PGM5: variants seen among roughly 807,000 people sequenced by gnomAD.
The protein encoded by PGM5 is phosphoglucomutase-like protein 5.
PGM5 carries 23 observed loss-of-function variants against 59.2 expected under a neutral mutation model. The ratio of observed to expected loss-of-function variants is 0.39; its 90% CI spans 0.28 to 0.55. The LOEUF is 0.55. Ranked by LOEUF, PGM5 falls within the 20% of genes least tolerant of loss-of-function variation. PGM5 has a pLI of 0.66. For synonymous variants in PGM5, 214 were observed against 286.0 expected, an observed-to-expected ratio of 0.75 and a Z score of 2.54; for missense variants, 574 against 748.3, an observed-to-expected ratio of 0.77 and a Z score of 2.72.
At chr9:68,406,758 G>C (rs562109825) in intron 6 of PGM5, among the ~76,000 whole-genome samples, 123 of 133,526 alleles carry the variant, frequency 9.2e-4, no homozygotes, top group African/African-American at 3.3e-3. Context: ...CCAGTCCACA[G>C]TATGCGTTCA....
At chr9:68,529,165 G>A (rs185997706) in intron 10 of PGM5, among the ~76,000 whole-genome samples, 2 of 2,952 alleles carry the variant, frequency 6.8e-4, no homozygotes, top group African/African-American at 1.1e-3. Flanking sequence ...TTTTATTCTC[G>A]TGTGTGTGTG....
chr9:68,456,817 G>A lies in PGM5; in HGVS notation c.1044-8276G>A, dbSNP rs190262000. ...TTTTTTGTATTTTTAGTAGAAATGG[G>A]GTTTTGCCATCTTGGCCAGGCTGGT... On this transcript the variant is annotated intron_variant, in intron 6 of 10. Coordinates refer to ENST00000396396, the MANE Select transcript of PGM5 (RefSeq NM_021965.4). 2.5e-3 allele frequency among the ~76,000 whole-genome samples: 386 copies of A among 151,850 alleles called. 2 individuals carry two copies. Among genetic ancestry groups the A allele is most frequent in the African/African-American group, 8.9e-3 (367 of 41,370 alleles).
intron 10 of PGM5, among the ~76,000 whole-genome samples, chr9:68,528,990 A>T (rs1311586202): frequency 1.3e-5 from 2 of 151,950 alleles, no homozygotes; most frequent in Non-Finnish European, 2.9e-5. Flanking sequence ...AAGCATGCCC[A>T]CCTCCTCCAG....
chr9:68,385,512 C>G lies in PGM5; in HGVS notation c.571+968C>G, dbSNP rs532806357. Reference sequence around the variant, plus strand: ...AAATCTTTCTTGAGAAGTTTTGAGTCAGTTGTTTGCTTAGGTAATGAGCAG... The same window carrying G: ...AAATCTTTCTTGAGAAGTTTTGAGTGAGTTGTTTGCTTAGGTAATGAGCAG... On this transcript the variant is annotated intron_variant, in intron 3 of 10. Coordinates refer to ENST00000396396, the MANE Select transcript of PGM5 (RefSeq NM_021965.4). Among the ~76,000 whole-genome samples, 4 of 152,164 alleles carry G rather than the reference C, an allele frequency of 2.6e-5. No individual in the cohort carries two copies. In the East Asian group the frequency reaches 5.8e-4, roughly 22 times the overall value.
intron 1 of PGM5, among the ~76,000 whole-genome samples, chr9:68,358,589 G>A (rs1327753422): frequency 6.6e-6 from 1 of 152,132 alleles, no homozygotes; most frequent in Non-Finnish European, 1.5e-5. Context: ...CTTTAAAAGC[G>A]AAACTGAACA....
intron 10 of PGM5, among the ~76,000 whole-genome samples, chr9:68,526,034 C>T (rs1824967845): frequency 6.7e-6 from 1 of 149,304 alleles, no homozygotes; most frequent in Admixed American, 6.7e-5. Flanking sequence ...CCAGCCTGGG[C>T]GACAGAGTGA....
intron 10 of PGM5, among the ~76,000 whole-genome samples, chr9:68,517,054 T>A (rs1328365227): frequency 2.6e-5 from 4 of 151,662 alleles, no homozygotes; most frequent in Non-Finnish European, 4.4e-5. Flanking sequence ...TGTCTTTTTT[T>A]TTTTTTTTAA....
At chr9:68,449,653 A>T (rs1823664792) in intron 6 of PGM5, among the ~76,000 whole-genome samples, 1 of 152,176 alleles carries the variant, frequency 6.6e-6, no homozygotes, top group African/African-American at 2.4e-5. Context: ...GAGCACGTGA[A>T]GGCTTGTAGA....
At chr9:68,515,440 C>T (rs1453522912) in intron 10 of PGM5, among the ~76,000 whole-genome samples, 1 of 152,200 alleles carries the variant, frequency 6.6e-6, no homozygotes, top group Non-Finnish European at 1.5e-5. Flanking sequence ...CTCAGCTTTG[C>T]TCAATGTGGA....
chr9:68,361,409 C>T (rs537516099), intron 1 of PGM5, among the ~76,000 whole-genome samples: 2 of 152,236 alleles, frequency 1.3e-5, no homozygotes, highest in Non-Finnish European at 2.9e-5. Flanking sequence ...TAACTTTTCA[C>T]TCTGTTTTTT....
At chr9:68,377,208 G>A (rs1390648940) in intron 1 of PGM5, among the ~76,000 whole-genome samples, 1 of 152,028 alleles carries the variant, frequency 6.6e-6, no homozygotes, top group Non-Finnish European at 1.5e-5. Flanking sequence ...ATTTCAGGTG[G>A]AGCCACCACG....
At chr9:68,483,602 G>A (rs115432886) in intron 8 of PGM5, among the ~76,000 whole-genome samples, 1 of 152,156 alleles carries the variant, frequency 6.6e-6, no homozygotes, top group East Asian at 1.9e-4. Context: ...AGGTTAAAGT[G>A]TTGAGTTTTG....
chr9:68,372,109 A>G (rs1821750892), intron 1 of PGM5, among the ~76,000 whole-genome samples: 1 of 145,552 alleles, frequency 6.9e-6, no homozygotes, highest in Non-Finnish European at 1.5e-5. Context: ...CAAACTTTGT[A>G]TTAGATTACA....
intron 10 of PGM5, among the ~76,000 whole-genome samples, chr9:68,510,238 G>T (rs372046214): frequency 1.4e-5 from 2 of 139,592 alleles, no homozygotes; most frequent in South Asian, 4.7e-4. Flanking sequence ...TGCAAGCTCC[G>T]CCTCCTGGGT....
In PGM5 at chr9:68,357,069, G is replaced by C; in HGVS notation, c.-59G>C. On this transcript the variant is annotated 5_prime_UTR_variant, in exon 1 of 11. Transcript: ENST00000396396. Reference sequence around the variant, plus strand: ...CGCAGCCAGGCTGGTGGAGGCCCCCGGCAGGCTGCAGATTCCCTCCGGCTC... The same window carrying C: ...CGCAGCCAGGCTGGTGGAGGCCCCCCGCAGGCTGCAGATTCCCTCCGGCTC... 2.1e-6 allele frequency: 3 copies of C among 1,407,834 alleles called. No homozygotes were observed. Among genetic ancestry groups the C allele is most frequent in the Non-Finnish European group, 2.8e-6 (3 of 1,087,214 alleles). 87.2% of individuals were successfully genotyped at this position (1,407,834 alleles called of 1,614,324 possible).
At chr9:68,372,083 C>A in intron 1 of PGM5, among the ~76,000 whole-genome samples, 1 of 152,064 alleles carries the variant, frequency 6.6e-6, no homozygotes, top group Non-Finnish European at 1.5e-5. Flanking sequence ...GTTATAGCAG[C>A]CTTGTGAAGC....
intron 9 of PGM5, chr9:68,497,550 T>C (rs1554688260): frequency 2.0e-5 from 3 of 152,122 alleles, no homozygotes; most frequent in South Asian, 4.1e-4. Flanking sequence ...AACCATAGTG[T>C]CTCCCAGCAG....
chr9:68,500,169 G>C (rs972105066), intron 10 of PGM5, among the ~76,000 whole-genome samples: 5 of 152,154 alleles, frequency 3.3e-5, no homozygotes, highest in African/African-American at 1.2e-4. Flanking sequence ...TGGAAAAGTA[G>C]AGAAACAGAG....
intron 6 of PGM5, among the ~76,000 whole-genome samples, chr9:68,393,028 A>G (rs1209476219): frequency 6.6e-6 from 1 of 152,084 alleles, no homozygotes; most frequent in Non-Finnish European, 1.5e-5. Context: ...AATACCCAAC[A>G]AGAGATTCAC....
Sources: gnomAD v4.1 joint callset for allele counts (sites outside exome capture counted in the v4.1 genomes callset) on GRCh38, gnomAD v4.1.1 for gene constraint, MANE v1.5 for transcripts, NCBI Gene and HGNC (gene_info 2026-07-23, HGNC 2026-07-21) for gene names.